Variants in ZFHX3 observed in about 807,000 individuals in gnomAD.
The protein encoded by ZFHX3 is zinc finger homeobox protein 3.
Under a neutral mutation model 279.1 loss-of-function variants are expected in ZFHX3, and 42 were observed. The ratio of observed to expected loss-of-function variants is 0.15; its 90% confidence interval spans 0.12 to 0.19. ZFHX3 has a LOEUF of 0.19. Among genes scored for constraint, ZFHX3 ranks in the 10% least tolerant of loss-of-function variants. The pLI, the probability that ZFHX3 is intolerant of heterozygous loss-of-function variation, is 1.00. For synonymous variants in ZFHX3, 2,293 were observed against 1,957.8 expected (o/e 1.17, Z -4.52); for missense variants, 4,981 against 4,754.0 (o/e 1.05, Z -1.40).
intron 1 of ZFHX3, among the ~76,000 whole-genome samples, chr16:73,792,858 C>G (rs969014819): frequency 1.9e-4 from 26 of 138,346 alleles, no homozygotes; most frequent in Non-Finnish European, 3.1e-4. Context: ...TACAGTGCAC[C>G]CCCCCCCTCC....
At chr16:73,438,813 T>G (rs1053862233) in intron 3 of ZFHX3, among the ~76,000 whole-genome samples, 1 of 152,214 alleles carries the variant, frequency 6.6e-6, no homozygotes, top group Admixed American at 6.5e-5. Flanking sequence ...CAATTTTCTT[T>G]TTGGAAACTT....
At chr16:72,948,342 C>T (rs1349362207) in intron 3 of ZFHX3, among the ~76,000 whole-genome samples, 1 of 152,158 alleles carries the variant, frequency 6.6e-6, no homozygotes, top group East Asian at 1.9e-4. Flanking sequence ...ACGCTCAGGA[C>T]CCTTCTACCC....
Position 73,156,865 on chromosome 16 carries a change from C to T in ZFHX3, c.-1103-13034G>A, listed in dbSNP as rs143095772. Among the ~76,000 whole-genome samples, 797 of 152,218 alleles carry T rather than the reference C, an allele frequency of 5.2e-3. 4 individuals carry two copies. The highest frequency in any genetic ancestry group is 8.7e-3 in the Non-Finnish European group (589 of 68,016). On this transcript the variant is annotated intron_variant, in intron 5 of 17. Coordinates refer to the ZFHX3 transcript ENST00000641206. ...AGTAGCTGGGATTACAGGCACGTGC[C>T]GCCACGCCCAGCTAATTTATATATT...
intron 2 of ZFHX3, among the ~76,000 whole-genome samples, chr16:72,951,555 C>A (rs1305358101): frequency 6.6e-6 from 1 of 152,192 alleles, no homozygotes; most frequent in Non-Finnish European, 1.5e-5. Flanking sequence ...AGCCACCGCG[C>A]CCAGCCACCT....
At chr16:73,204,038 C>T (rs994502575) in intron 5 of ZFHX3, among the ~76,000 whole-genome samples, 3 of 151,976 alleles carry the variant, frequency 2.0e-5, no homozygotes, top group Non-Finnish European at 4.4e-5. Flanking sequence ...GATTCCTCTC[C>T]GAATTTCAAG....
intron 3 of ZFHX3, among the ~76,000 whole-genome samples, chr16:72,929,353 G>C (rs1007091543): frequency 6.6e-6 from 1 of 152,116 alleles, no homozygotes; most frequent in Non-Finnish European, 1.5e-5. Flanking sequence ...CCTTGCTTGG[G>C]GAGAGGTCCA....
chr16:73,686,702 C>T (rs982813140), intron 1 of ZFHX3, among the ~76,000 whole-genome samples: 4 of 152,032 alleles, frequency 2.6e-5, no homozygotes, highest in African/African-American at 9.7e-5. Context: ...ACAGACTGAA[C>T]CCATTGTACT....
At chr16:73,231,658 A>T (rs529130757) in intron 5 of ZFHX3, among the ~76,000 whole-genome samples, 1 of 152,278 alleles carries the variant, frequency 6.6e-6, no homozygotes, top group South Asian at 2.1e-4. Flanking sequence ...CCTTATCTCT[A>T]CTTTGCTTGT....
In ZFHX3 at chr16:73,866,214, C is replaced by G. The variant is rs1275384858; in HGVS notation, c.-1608+25437G>C. 2.9e-5 allele frequency among the ~76,000 whole-genome samples: 4 copies of G among 137,136 alleles called. No homozygotes were observed. The East Asian group carries it at 8.7e-4, about 30-fold the overall frequency. The allele number at this position is 137,136 out of a possible 152,430, so 90.0% of individuals were successfully genotyped here. ...TTTTTTTTTGAGACAGAGTATCACCCTGTCACCCTGTCTAGAGTGCAGTGG... is the reference window on the plus strand; with the variant it reads ...TTTTTTTTTGAGACAGAGTATCACCGTGTCACCCTGTCTAGAGTGCAGTGG... On this transcript the variant is annotated intron_variant, in intron 1 of 17. Coordinates refer to the ZFHX3 transcript ENST00000641206.
At chr16:73,858,899 A>C (rs1204405915) in intron 1 of ZFHX3, among the ~76,000 whole-genome samples, 1 of 152,208 alleles carries the variant, frequency 6.6e-6, no homozygotes, top group Non-Finnish European at 1.5e-5. Flanking sequence ...AGCTTTTCCC[A>C]AATGAACTAA....
At chr16:73,692,776 T>C (rs1458600674) in intron 1 of ZFHX3, among the ~76,000 whole-genome samples, 1 of 152,358 alleles carries the variant, frequency 6.6e-6, no homozygotes, top group East Asian at 1.9e-4. Flanking sequence ...ATATGCCATC[T>C]CATTTCTAGA....
intron 2 of ZFHX3, among the ~76,000 whole-genome samples, chr16:73,676,394 A>C (rs1282879439): frequency 1.0e-5 from 1 of 97,596 alleles, no homozygotes; most frequent in Non-Finnish European, 2.0e-5. Context: ...CATTTAAATA[A>C]AAGACATAAT....
At chr16:73,134,313 G>A (rs774311856) in intron 6 of ZFHX3, among the ~76,000 whole-genome samples, 2 of 134,986 alleles carry the variant, frequency 1.5e-5, no homozygotes, top group East Asian at 2.2e-4. Context: ...GTGACCTTCC[G>A]TGTTAGTCTC....
chr16:73,552,637 A>G (rs2020218838), intron 2 of ZFHX3, among the ~76,000 whole-genome samples: 1 of 152,140 alleles, frequency 6.6e-6, no homozygotes, highest in African/African-American at 2.4e-5. Context: ...AATCTTAGAT[A>G]TTTTTCTGAG....
At chr16:72,931,864 G>A (rs758042832) in intron 3 of ZFHX3, among the ~76,000 whole-genome samples, 12 of 152,182 alleles carry the variant, frequency 7.9e-5, no homozygotes, top group Non-Finnish European at 1.6e-4. Flanking sequence ...ACTCACTTGC[G>A]TCCAGAAGCT....
intron 2 of ZFHX3, among the ~76,000 whole-genome samples, chr16:73,657,807 T>C (rs536336276): frequency 6.6e-6 from 1 of 152,358 alleles, no homozygotes; most frequent in Non-Finnish European, 1.5e-5. Flanking sequence ...TGAATAGTAT[T>C]CCGTTGTATG....
intron 5 of ZFHX3, among the ~76,000 whole-genome samples, chr16:73,209,352 T>C (rs1024286320): frequency 3.3e-5 from 5 of 152,094 alleles, no homozygotes; most frequent in East Asian, 1.9e-4. Context: ...AACAATAGAA[T>C]TTTTCCCCCA....
At chr16:73,508,936 A>G (rs1054353467) in intron 2 of ZFHX3, among the ~76,000 whole-genome samples, 19 of 152,218 alleles carry the variant, frequency 1.2e-4, no homozygotes, top group African/African-American at 4.6e-4. Context: ...CTGAATCTAC[A>G]AAGCCTCAAA....
chr16:73,574,635 A>G (rs2051780949), intron 2 of ZFHX3, among the ~76,000 whole-genome samples: 1 of 152,192 alleles, frequency 6.6e-6, no homozygotes, highest in South Asian at 2.1e-4. Flanking sequence ...GATTCCTAAC[A>G]CAGGGGTTTT....
Sources: gnomAD v4.1 joint callset for allele counts (sites outside exome capture counted in the v4.1 genomes callset) on GRCh38, gnomAD v4.1.1 for gene constraint, MANE v1.5 for transcripts, NCBI Gene and HGNC (gene_info 2026-07-23, HGNC 2026-07-21) for gene names.